Variants in PPP4R2 observed in about 807,000 individuals in gnomAD.
The protein encoded by PPP4R2 is protein phosphatase 4 regulatory subunit 2.
A neutral mutation model predicts 47.2 loss-of-function variants in PPP4R2; 13 were observed. The observed-to-expected ratio is 0.28, with a 90% CI of 0.18 to 0.44. The LOEUF is 0.44. Among genes scored for constraint, PPP4R2 ranks in the 20% least tolerant of loss-of-function variants. The pLI, the probability that PPP4R2 is intolerant of heterozygous loss-of-function variation, is 1.00. For synonymous variants in PPP4R2, 151 were observed against 163.3 expected, an observed-to-expected ratio of 0.92 and a Z score of 0.57; for missense variants, 421 against 491.2, an observed-to-expected ratio of 0.86 and a Z score of 1.35.
intron 3 of PPP4R2, among the ~76,000 whole-genome samples, chr3:73,054,996 A>G (rs1322676780): frequency 6.6e-6 from 1 of 152,176 alleles, no homozygotes; most frequent in Non-Finnish European, 1.5e-5. Flanking sequence ...TTTTAGGTGT[A>G]CAAGACTTCT....
At chr3:73,064,828 G>T in intron 7 of PPP4R2, 24 bp from the exon 8 acceptor site, 2 of 1,549,622 alleles carry the variant, frequency 1.3e-6, no homozygotes, top group South Asian at 1.2e-5. Flanking sequence ...TCTTATTAAT[G>T]ACACTTTAAA....
At chr3:73,059,705 G>C (rs1172098327) in intron 4 of PPP4R2, among the ~76,000 whole-genome samples, 1 of 152,048 alleles carries the variant, frequency 6.6e-6, no homozygotes, top group African/African-American at 2.4e-5. Flanking sequence ...TTGGGAGGCT[G>C]AGGTGGGTGG....
chr3:73,065,482 G>A lies in PPP4R2; in HGVS notation c.1014G>A (p.Glu338=), dbSNP rs760358084. Residue 338 remains glutamate, a synonymous_variant, in exon 9 of 9, where the codon GAG becomes GAA. Coordinates refer to ENST00000356692, the MANE Select transcript of PPP4R2 (RefSeq NM_174907.4). The part of the protein sequence containing the change: ...ESDDALTVNE[E]TSEENNQMEE... ...ATGATGCCTTAACTGTGAATGAAGA[G>A]ACTTCTGAGGAAAATAATCAAATGG... is the stretch of plus-strand genomic sequence containing the variant. The A allele has an allele frequency of 7.4e-6, 12 of 1,611,628 alleles. No homozygotes were observed. Among genetic ancestry groups the A allele is most frequent in the Non-Finnish European group, 1.0e-5 (12 of 1,179,716 alleles).
chr3:73,020,300 G>T (rs1243860507), intron 2 of PPP4R2, among the ~76,000 whole-genome samples: 1 of 152,054 alleles, frequency 6.6e-6, no homozygotes, highest in Non-Finnish European at 1.5e-5. Flanking sequence ...CAGTCCTCCT[G>T]TCCTCAGCCT....
intron 3 of PPP4R2, 140 bp downstream of exon 3, chr3:73,047,496 T>G (rs991136922): frequency 2.6e-5 from 14 of 542,180 alleles, no homozygotes; most frequent in Admixed American, 2.4e-4. Context: ...TAGTAGTTGA[T>G]GATTTTTAGC....
At chr3:73,056,751 A>G (rs1364842685) in intron 3 of PPP4R2, among the ~76,000 whole-genome samples, 1 of 152,232 alleles carries the variant, frequency 6.6e-6, no homozygotes, top group Non-Finnish European at 1.5e-5. Context: ...TAAAATATTA[A>G]TAATTGGCTA....
chr3:73,032,051 C>T (rs1398573558), intron 2 of PPP4R2, among the ~76,000 whole-genome samples: 1 of 152,194 alleles, frequency 6.6e-6, no homozygotes, highest in Non-Finnish European at 1.5e-5. Context: ...AATACCTGGT[C>T]AGGCTTCCAG....
intron 2 of PPP4R2, among the ~76,000 whole-genome samples, chr3:73,035,026 C>T (rs1473836893): frequency 6.6e-6 from 1 of 152,022 alleles, no homozygotes; most frequent in Non-Finnish European, 1.5e-5. Flanking sequence ...AAATATTTGC[C>T]AACTATCTTT....
chr3:73,039,060 T>G (rs1486978948), intron 2 of PPP4R2, among the ~76,000 whole-genome samples: 1 of 152,242 alleles, frequency 6.6e-6, no homozygotes. Context: ...TATGTAACAC[T>G]TCAAGGATAA....
In PPP4R2 at chr3:73,062,296, A is replaced by G. The variant is rs185715728; in HGVS notation, c.419+1236A>G. On this transcript the variant is annotated intron_variant, in intron 5 of 8. Transcript: ENST00000356692. ...GCAATGGACAGGAGTGGGCTCCCTGACCTTCAAGGAAGATTTGAGCTATCT... is the reference window on the plus strand; with the variant it reads ...GCAATGGACAGGAGTGGGCTCCCTGGCCTTCAAGGAAGATTTGAGCTATCT... 6.3e-5 allele frequency: 101 copies of G among 1,607,670 alleles called. No individual in the cohort carries two copies. In the African/African-American group the frequency reaches 1.3e-3, roughly 21 times the overall value.
intron 2 of PPP4R2, among the ~76,000 whole-genome samples, chr3:73,033,476 AC>A (rs1702206357): frequency 6.6e-6 from 1 of 152,186 alleles, no homozygotes. Flanking sequence ...TAATTTGAAA[AC>A]TAGTATTTTT....
chr3:73,058,392 G>GTTA (rs1251711088), intron 3 of PPP4R2, among the ~76,000 whole-genome samples: 3 of 151,934 alleles, frequency 2.0e-5, no homozygotes, highest in African/African-American at 7.2e-5. Context: ...TATTATTTGT[G>GTTA]TTACCTCTCT....
At chr3:73,006,566 C>T (rs1466348768) in intron 2 of PPP4R2, among the ~76,000 whole-genome samples, 1 of 152,206 alleles carries the variant, frequency 6.6e-6, no homozygotes, top group Non-Finnish European at 1.5e-5. Context: ...AGTTTGCATT[C>T]TGAAATTCCA....
chr3:73,039,729 C>T (rs1702338355), intron 2 of PPP4R2, among the ~76,000 whole-genome samples: 1 of 152,118 alleles, frequency 6.6e-6, no homozygotes, highest in Admixed American at 6.6e-5. Flanking sequence ...AGGACATCCT[C>T]CTGTGACAAA....
intron 4 of PPP4R2, 120 bp downstream of exon 4, chr3:73,059,250 C>G (rs1702793222): frequency 9.0e-6 from 5 of 557,504 alleles, no homozygotes; most frequent in Middle Eastern, 2.7e-4. Flanking sequence ...TTCAGCCTAC[C>G]TTGAGTTTCC....
Position 73,035,453 on chromosome 3 carries a change from A to G in PPP4R2, c.117-11733A>G, listed in dbSNP as rs1275283104. Among the ~76,000 whole-genome samples, 6 of 152,142 alleles carry G rather than the reference A, an allele frequency of 3.9e-5. No homozygotes were observed. In the East Asian group the frequency reaches 7.7e-4, roughly 20 times the overall value. On this transcript the variant is annotated intron_variant, in intron 2 of 8. Coordinates refer to ENST00000356692, the MANE Select transcript of PPP4R2 (RefSeq NM_174907.4). ...TCTGGCAAGGGTGCAGAAAAAGGGA[A>G]ACACTAGTACACTGCTAGTGGAAAT...
At chr3:73,012,402 C>G (rs1299243320) in intron 2 of PPP4R2, among the ~76,000 whole-genome samples, 6 of 152,084 alleles carry the variant, frequency 3.9e-5, no homozygotes, top group Non-Finnish European at 8.8e-5. Flanking sequence ...CGGGTTCACG[C>G]CATTCTCCTG....
chr3:73,065,566 CGAA>C lies in PPP4R2; in HGVS notation c.1100_1102del (p.Glu367del). 2 of 1,613,240 alleles carry C rather than the reference CGAA, an allele frequency of 1.2e-6. No homozygotes were observed. The highest frequency in any genetic ancestry group is 2.2e-5 in the South Asian group (2 of 91,046). On this transcript the variant is annotated inframe_deletion, in exon 9 of 9. Transcript: ENST00000356692. ...TGCTACATTCTGAAGGTAGTGAAAACGAAGGCCCTGTAAGTAGTAGTTCTTCTG... is the reference window on the plus strand; with the variant it reads ...TGCTACATTCTGAAGGTAGTGAAAACGGCCCTGTAAGTAGTAGTTCTTCTG...
At chr3:73,039,208 C>T (rs1484707152) in intron 2 of PPP4R2, among the ~76,000 whole-genome samples, 3 of 152,320 alleles carry the variant, frequency 2.0e-5, no homozygotes, top group South Asian at 2.1e-4. Flanking sequence ...ACTGCAACCT[C>T]GGCCTCCCAG....
Sources: gnomAD v4.1 joint callset for allele counts (sites outside exome capture counted in the v4.1 genomes callset) on GRCh38, gnomAD v4.1.1 for gene constraint, MANE v1.5 for transcripts, NCBI Gene and HGNC (gene_info 2026-07-23, HGNC 2026-07-21) for gene names.